The following ROBO1 variants were observed in gnomAD, a reference collection of about 807,000 sequenced individuals.
ROBO1 encodes the protein roundabout homolog 1.
Under a neutral mutation model 195.9 loss-of-function variants are expected in ROBO1, and 149 were observed. The observed-to-expected ratio is 0.76, with a 90% CI of 0.67 to 0.87. ROBO1 has a LOEUF of 0.87. Ranked by LOEUF, ROBO1 falls within the 40% of genes least tolerant of loss-of-function variation. ROBO1 has a pLI of 0.00. For missense variants in ROBO1, 1,933 were observed against 2,068.3 expected (o/e 0.93, Z 1.27); for synonymous variants, 816 against 733.2 (o/e 1.11, Z -1.82).
At chr3:78,748,886 G>T (rs1024431121) in intron 4 of ROBO1, among the ~76,000 whole-genome samples, 1 of 151,988 alleles carries the variant, frequency 6.6e-6, no homozygotes, top group Non-Finnish European at 1.5e-5. Flanking sequence ...ATCTGATCTC[G>T]CCAAACTGTT....
At chr3:79,555,985 CTTCT>C (rs879644010) in intron 2 of ROBO1, among the ~76,000 whole-genome samples, 7 of 152,110 alleles carry the variant, frequency 4.6e-5, no homozygotes, top group East Asian at 1.9e-4. Context: ...TAAATATGTG[CTTCT>C]TTGTTATATA....
chr3:79,655,198 C>T (rs1946124322), intron 1 of ROBO1, among the ~76,000 whole-genome samples: 1 of 151,932 alleles, frequency 6.6e-6, no homozygotes, highest in African/African-American at 2.4e-5. Context: ...ATTGAATACT[C>T]AAGATCAAAA....
intron 2 of ROBO1, among the ~76,000 whole-genome samples, chr3:79,238,580 T>A (rs1459819706): frequency 1.3e-5 from 2 of 152,176 alleles, no homozygotes; most frequent in Non-Finnish European, 2.9e-5. Context: ...GTGGAGATAG[T>A]AATAGTTTTT....
intron 2 of ROBO1, among the ~76,000 whole-genome samples, chr3:79,450,156 G>A (rs974447232): frequency 6.6e-6 from 1 of 151,716 alleles, no homozygotes; most frequent in Non-Finnish European, 1.5e-5. Context: ...GTAAGGATAG[G>A]CATATGATTC....
intron 2 of ROBO1, among the ~76,000 whole-genome samples, chr3:79,423,866 T>A (rs1235443836): frequency 6.6e-6 from 1 of 152,070 alleles, no homozygotes; most frequent in Non-Finnish European, 1.5e-5. Flanking sequence ...GGGATTCAGA[T>A]GGAGGAGATG....
chr3:79,395,321 C>CAAAAAAAAAAAAAAAAAAAA (rs71631647), intron 2 of ROBO1, among the ~76,000 whole-genome samples: 2 of 50,152 alleles, frequency 4.0e-5, no homozygotes, highest in African/African-American at 1.1e-4. Context: ...GACTCCGTCT[C>CAAAAAAAAAAAAAAAAAAAA]AAAAAAAAAA....
At chr3:79,595,346 A>C (rs1413933569) in intron 1 of ROBO1, among the ~76,000 whole-genome samples, 1 of 152,032 alleles carries the variant, frequency 6.6e-6, no homozygotes, top group Non-Finnish European at 1.5e-5. Flanking sequence ...CACAAAGTCA[A>C]AAGCATTTCT....
At chr3:79,632,872 A>G (rs1045366020) in intron 1 of ROBO1, among the ~76,000 whole-genome samples, 3 of 152,112 alleles carry the variant, frequency 2.0e-5, no homozygotes, top group African/African-American at 7.2e-5. Flanking sequence ...ATTCCAAAAA[A>G]GATATCTGAT....
chr3:79,595,528 G>A (rs1466916497), intron 1 of ROBO1, among the ~76,000 whole-genome samples: 1 of 151,706 alleles, frequency 6.6e-6, no homozygotes, highest in East Asian at 1.9e-4. Context: ...AACCAAAATT[G>A]GTTTTCCTTT....
chr3:79,159,208 T>C (rs2080911208), intron 2 of ROBO1, among the ~76,000 whole-genome samples: 1 of 151,986 alleles, frequency 6.6e-6, no homozygotes, highest in Non-Finnish European at 1.5e-5. Flanking sequence ...CCTGGATTAC[T>C]CTTGAATAGG....
At chr3:78,718,804 A>AAGGGAGGGAGGGAGAG (rs2081966450) in intron 5 of ROBO1, among the ~76,000 whole-genome samples, 1 of 76,058 alleles carries the variant, frequency 1.3e-5, no homozygotes, top group Non-Finnish European at 2.8e-5. Context: ...GGAAGGAAGG[A>AAGGGAGGGAGGGAGAG]AGGGAGGGAG....
At chr3:79,690,627 AG>A (rs1213451579) in intron 1 of ROBO1, among the ~76,000 whole-genome samples, 1 of 152,046 alleles carries the variant, frequency 6.6e-6, no homozygotes, top group African/African-American at 2.4e-5. Flanking sequence ...CAGTGGCAAT[AG>A]AAAACTAATA....
chr3:79,147,771 G>A (rs1275209853), intron 2 of ROBO1, among the ~76,000 whole-genome samples: 2 of 151,946 alleles, frequency 1.3e-5, no homozygotes, highest in African/African-American at 2.4e-5. Context: ...AACTGAACAC[G>A]GAATTTGTTT....
At chr3:79,249,162 T>G (rs2082676582) in intron 2 of ROBO1, among the ~76,000 whole-genome samples, 1 of 152,150 alleles carries the variant, frequency 6.6e-6, no homozygotes, top group Admixed American at 6.5e-5. Context: ...GCTTTCAAAG[T>G]AAGAAGTAGT....
chr3:79,247,129 G>T (rs1420153506), intron 2 of ROBO1, among the ~76,000 whole-genome samples: 18 of 134,790 alleles, frequency 1.3e-4, no homozygotes, highest in African/African-American at 2.8e-4. Context: ...CCTGTTTACT[G>T]TTTTTTTTTT....
chr3:78,850,350 C>G (rs1288000191), intron 4 of ROBO1, among the ~76,000 whole-genome samples: 1 of 152,154 alleles, frequency 6.6e-6, no homozygotes, highest in Admixed American at 6.6e-5. Context: ...GGAAGTAATA[C>G]TAGTCTATAT....
At chr3:78,704,585 AAC>A (rs1380999567) in intron 8 of ROBO1, among the ~76,000 whole-genome samples, 1 of 132,510 alleles carries the variant, frequency 7.5e-6, no homozygotes, top group African/African-American at 2.6e-5. Flanking sequence ...TGGTTCATTA[AAC>A]ACACACATAC....
At chr3:79,362,019 C>T (rs1453419615) in intron 2 of ROBO1, among the ~76,000 whole-genome samples, 3 of 151,750 alleles carry the variant, frequency 2.0e-5, no homozygotes, top group African/African-American at 7.3e-5. Flanking sequence ...AGTAGAGTGC[C>T]GGACATGAAT....
intron 4 of ROBO1, among the ~76,000 whole-genome samples, chr3:78,930,013 CAA>C (rs1185669218): frequency 6.6e-6 from 1 of 152,054 alleles, no homozygotes; most frequent in Non-Finnish European, 1.5e-5. Context: ...ATGTTATCCC[CAA>C]AAGAGATACT....
Sources: allele counts gnomAD v4.1 joint callset (sites outside exome capture counted in the v4.1 genomes callset), GRCh38; gene constraint gnomAD v4.1.1; transcripts MANE v1.5; gene names NCBI Gene and HGNC (gene_info 2026-07-23, HGNC 2026-07-21).